Variants in LINGO2 observed in about 807,000 individuals in gnomAD.
LINGO2 encodes leucine rich repeat and Ig domain containing 2, also known as leucine-rich repeat and immunoglobulin-like domain-containing nogo receptor-interacting protein 2.
Under a neutral mutation model 30.6 loss-of-function variants are expected in LINGO2, and 14 were observed. That is an observed-to-expected ratio of 0.46 (90% confidence interval 0.30 to 0.72). The LOEUF (loss-of-function observed/expected upper bound fraction) is 0.72, where lower values mean the gene tolerates loss of function less well. Ranked by LOEUF, LINGO2 falls within the 30% of genes least tolerant of loss-of-function variation. LINGO2 has a pLI of 0.07. For missense variants in LINGO2, 729 were observed against 751.7 expected, an observed-to-expected ratio of 0.97 and a Z score of 0.35; for synonymous variants, 317 against 288.5, an observed-to-expected ratio of 1.10 and a Z score of -1.00.
At chr9:28,168,703 T>C (rs528524531) in intron 4 of LINGO2, among the ~76,000 whole-genome samples, 175 of 152,368 alleles carry the variant, frequency 1.1e-3, no homozygotes, top group Middle Eastern at 3.4e-3. Flanking sequence ...CAAATGATTA[T>C]ATGGATGGCT....
intron 2 of LINGO2, among the ~76,000 whole-genome samples, chr9:28,453,712 G>A (rs536421299): frequency 3.3e-5 from 5 of 152,020 alleles, no homozygotes; most frequent in Middle Eastern, 3.4e-3. Context: ...TGTATGTTGA[G>A]CCCTTTATTT....
the LINGO2 span, among the ~76,000 whole-genome samples, chr9:28,853,884 G>A: frequency 2.0e-5 from 3 of 151,710 alleles, no homozygotes; most frequent in Non-Finnish European, 4.4e-5. Flanking sequence ...GACACAGAGC[G>A]AAAACTGTAT....
chr9:27,996,897 G>A (rs909946079), intron 5 of LINGO2, among the ~76,000 whole-genome samples: 2 of 151,998 alleles, frequency 1.3e-5, no homozygotes, highest in African/African-American at 4.8e-5. Flanking sequence ...TATCAATAAA[G>A]AATAAAAATT....
At chr9:28,244,515 G>A (rs1379905125) in intron 4 of LINGO2, among the ~76,000 whole-genome samples, 4 of 151,948 alleles carry the variant, frequency 2.6e-5, no homozygotes, top group Admixed American at 2.6e-4. Context: ...GTGAATCCAG[G>A]AGCTGGTTTA....
intron 1 of LINGO2, among the ~76,000 whole-genome samples, chr9:28,508,568 A>C (rs2135350567): frequency 6.6e-6 from 1 of 151,504 alleles, no homozygotes; most frequent in East Asian, 1.9e-4. Context: ...TACTTTTTTC[A>C]CTTATATTTA....
At chr9:29,027,594 T>C in the LINGO2 span, among the ~76,000 whole-genome samples, 1 of 152,244 alleles carries the variant, frequency 6.6e-6, no homozygotes, top group South Asian at 2.1e-4. Context: ...CACCTTGGCC[T>C]CCCAGAGAGC....
intron 4 of LINGO2, among the ~76,000 whole-genome samples, chr9:28,280,223 CTAA>C (rs1823270324): frequency 6.6e-6 from 1 of 152,058 alleles, no homozygotes; most frequent in Non-Finnish European, 1.5e-5. Flanking sequence ...TTTGAGAGAG[CTAA>C]TAAGTGTTCA....
chr9:28,602,291 G>A (rs13292141), intron 1 of LINGO2, among the ~76,000 whole-genome samples: 12,045 of 151,960 alleles, frequency 0.079, 630 homozygotes, highest in East Asian at 0.18. Flanking sequence ...CATGTTGCAG[G>A]AGTCTGGCAA....
intron 4 of LINGO2, among the ~76,000 whole-genome samples, chr9:28,043,118 C>T (rs1269490177): frequency 6.6e-6 from 1 of 152,204 alleles, no homozygotes; most frequent in African/African-American, 2.4e-5. Flanking sequence ...TGCAGGGCAT[C>T]CTGGCTGCAC....
chr9:28,537,031 A>G (rs1196384927), intron 1 of LINGO2, among the ~76,000 whole-genome samples: 2 of 152,162 alleles, frequency 1.3e-5, no homozygotes, highest in Non-Finnish European at 2.9e-5. Flanking sequence ...AAAAAAAAAT[A>G]AACATAGGCA....
At chr9:28,737,558 G>C in the LINGO2 span, among the ~76,000 whole-genome samples, 2 of 152,130 alleles carry the variant, frequency 1.3e-5, no homozygotes, top group African/African-American at 4.8e-5. Flanking sequence ...AAGTCATACA[G>C]CTAAAGCACG....
the LINGO2 span, among the ~76,000 whole-genome samples, chr9:29,028,722 G>C: frequency 4.6e-5 from 7 of 152,132 alleles, no homozygotes; most frequent in Non-Finnish European, 1.0e-4. Context: ...TAGCTTGCTA[G>C]ATGATGAAAG....
At chr9:28,656,511 T>A (rs974116248) in intron 1 of LINGO2, among the ~76,000 whole-genome samples, 6 of 152,032 alleles carry the variant, frequency 3.9e-5, no homozygotes, top group African/African-American at 1.4e-4. Context: ...CATAACTGAA[T>A]CTAATCATAA....
At chr9:28,265,996 G>T (rs1299068348) in intron 4 of LINGO2, among the ~76,000 whole-genome samples, 2 of 151,938 alleles carry the variant, frequency 1.3e-5, no homozygotes, top group Non-Finnish European at 2.9e-5. Context: ...TGAAGATACA[G>T]AAACACCTAG....
chr9:28,142,200 A>G (rs1430605289), intron 4 of LINGO2, among the ~76,000 whole-genome samples: 2 of 144,116 alleles, frequency 1.4e-5, no homozygotes, highest in Non-Finnish European at 3.0e-5. Context: ...AATACTATGC[A>G]TTAGTAATAT....
In LINGO2 at chr9:28,188,821, ACAT is replaced by A. The variant is rs144867422; in HGVS notation, c.-87+106384_-87+106386del. On this transcript the variant is annotated intron_variant, in intron 4 of 5. Coordinates refer to ENST00000379992, the Ensembl canonical transcript of LINGO2. ...AGAGGTCTTATAGGCTGCTGTGACA[ACAT>A]CATCATTTACGTGTAATTACCATGA... 7.2e-5 allele frequency among the ~76,000 whole-genome samples: 11 copies of A among 152,308 alleles called. No homozygotes were observed. The East Asian group carries it at 2.1e-3, about 29-fold the overall frequency.
At chr9:29,072,918 C>A in the LINGO2 span, among the ~76,000 whole-genome samples, 1 of 142,110 alleles carries the variant, frequency 7.0e-6, no homozygotes, top group African/African-American at 2.7e-5. Context: ...CTCCAGCTCT[C>A]TAGCGCTCTC....
chr9:28,946,260 A>G, the LINGO2 span, among the ~76,000 whole-genome samples: 1 of 152,152 alleles, frequency 6.6e-6, no homozygotes, highest in African/African-American at 2.4e-5. Flanking sequence ...TAGGGTTACT[A>G]CAGAGAAAAA....
At chr9:28,845,972 AATG>A in the LINGO2 span, among the ~76,000 whole-genome samples, 1 of 148,094 alleles carries the variant, frequency 6.8e-6, no homozygotes, top group African/African-American at 2.6e-5. Context: ...TTAGAGTTAT[AATG>A]ACAAAATCCT....
Sources: gnomAD v4.1 joint callset for allele counts (sites outside exome capture counted in the v4.1 genomes callset) on GRCh38, gnomAD v4.1.1 for gene constraint, MANE v1.5 for transcripts, NCBI Gene and HGNC (gene_info 2026-07-23, HGNC 2026-07-21) for gene names.